CNTN3: variants seen among roughly 807,000 people sequenced by gnomAD.
CNTN3 encodes contactin 3, also known as contactin-3.
CNTN3 carries 60 observed loss-of-function variants against 119.1 expected under a neutral mutation model. The observed-to-expected ratio is 0.50, with a 90% CI of 0.41 to 0.62. The LOEUF is 0.62. Among genes scored for constraint, CNTN3 ranks in the 20% least tolerant of loss-of-function variants. The pLI is 0.00. For missense variants in CNTN3, 1,101 were observed against 1,242.4 expected (o/e 0.89, Z 1.71); for synonymous variants, 450 against 438.7 (o/e 1.03, Z -0.32).
intron 4 of CNTN3, among the ~76,000 whole-genome samples, chr3:74,430,565 AC>A (rs1309786744): frequency 2.6e-5 from 4 of 152,158 alleles, no homozygotes; most frequent in African/African-American, 9.6e-5. Flanking sequence ...CAATAGTGAG[AC>A]CCCATCTCTT....
At position 74,271,080 on chromosome 3, in the gene CNTN3, A is replaced by C. The variant is rs112605910; in HGVS notation, c.2705-3702T>G. On this transcript the variant is annotated intron_variant, in intron 20 of 22. Coordinates refer to ENST00000263665, the MANE Select transcript of CNTN3 (RefSeq NM_020872.3). ...GCACTTGATTTTCAGACTCCTCAAC[A>C]TCAGCTTCATAGATTTTACTTACTC... 6.3e-4 allele frequency among the ~76,000 whole-genome samples: 96 copies of C among 152,332 alleles called. 2 individuals carry two copies. The highest frequency in any genetic ancestry group is 2.2e-3 in the African/African-American group (92 of 41,584).
chr3:74,534,908 G>A lies in CNTN3; in HGVS notation c.-80-13716C>T, dbSNP rs528725682. The stretch of plus-strand genomic sequence containing the variant: ...TCTTTAGACTTTAAATTTTACAACA[G>A]TAAAATGGGAATGGTATGCACATAA... On this transcript the variant is annotated intron_variant, in intron 1 of 22. Transcript: ENST00000263665. Among the ~76,000 whole-genome samples the A allele has an allele frequency of 4.6e-5, 7 of 152,058 alleles. No homozygotes were observed. In the South Asian group the frequency reaches 1.2e-3, roughly 27 times the overall value.
chr3:74,422,215 A>G (rs905275333), intron 5 of CNTN3, among the ~76,000 whole-genome samples: 1 of 152,206 alleles, frequency 6.6e-6, no homozygotes, highest in Non-Finnish European at 1.5e-5. Flanking sequence ...TCCGCATTAC[A>G]GACACTTGGA....
At chr3:74,568,751 T>C (rs1016092718) in intron 1 of CNTN3, among the ~76,000 whole-genome samples, 1 of 152,314 alleles carries the variant, frequency 6.6e-6, no homozygotes, top group Admixed American at 6.5e-5. Flanking sequence ...TGATAAAGGC[T>C]TCCACAGCCT....
intron 4 of CNTN3, among the ~76,000 whole-genome samples, chr3:74,446,573 A>G (rs546121306): frequency 1.4e-4 from 21 of 152,074 alleles, no homozygotes; most frequent in Non-Finnish European, 2.5e-4. Context: ...CACAAAATGG[A>G]TTTCAAAGAC....
intron 13 of CNTN3, among the ~76,000 whole-genome samples, chr3:74,310,515 C>T (rs924946553): frequency 6.6e-6 from 1 of 152,138 alleles, no homozygotes. Context: ...GGGAGTTCAG[C>T]AGGACCAGTG....
At chr3:74,485,338 A>AGTTGT in intron 4 of CNTN3, among the ~76,000 whole-genome samples, 1 of 152,130 alleles carries the variant, frequency 6.6e-6, no homozygotes, top group Non-Finnish European at 1.5e-5. Context: ...AAGGGTAACT[A>AGTTGT]GTTGTATAAT....
At chr3:74,317,222 T>G (rs1416483348) in intron 13 of CNTN3, among the ~76,000 whole-genome samples, 2 of 150,092 alleles carry the variant, frequency 1.3e-5, no homozygotes, top group African/African-American at 2.5e-5. Flanking sequence ...ATTTTGAGCC[T>G]ATGTGTGTCT....
chr3:74,369,554 A>G (rs553091594), intron 7 of CNTN3, among the ~76,000 whole-genome samples, 181 bp from the exon 8 acceptor site: 2 of 152,078 alleles, frequency 1.3e-5, no homozygotes, highest in Admixed American at 1.3e-4. Flanking sequence ...TGATATTTTA[A>G]TAAAATAAAC....
chr3:74,296,539 C>T (rs1366604637), intron 18 of CNTN3, among the ~76,000 whole-genome samples: 3 of 152,106 alleles, frequency 2.0e-5, no homozygotes, highest in Admixed American at 6.5e-5. Flanking sequence ...AGAATAGGGG[C>T]GGGGAGCCGA....
chr3:74,610,854 G>C (rs762900678), intron 1 of CNTN3, among the ~76,000 whole-genome samples: 1 of 152,128 alleles, frequency 6.6e-6, no homozygotes, highest in Non-Finnish European at 1.5e-5. Context: ...GGTCTGAGTT[G>C]TACTAGTTCC....
chr3:74,580,497 C>A (rs1359409549), intron 1 of CNTN3, among the ~76,000 whole-genome samples: 7 of 151,912 alleles, frequency 4.6e-5, no homozygotes, highest in Non-Finnish European at 1.0e-4. Context: ...CTAAAAAATA[C>A]AAAATTCCTT....
At chr3:74,565,400 G>T (rs2106640099) in intron 1 of CNTN3, among the ~76,000 whole-genome samples, 1 of 152,160 alleles carries the variant, frequency 6.6e-6, no homozygotes, top group Middle Eastern at 3.4e-3. Flanking sequence ...CTACCACTCT[G>T]ATCCTCCTGC....
intron 1 of CNTN3, among the ~76,000 whole-genome samples, chr3:74,598,565 T>C (rs144130288): frequency 0.019 from 2,844 of 152,164 alleles, 82 homozygotes; most frequent in African/African-American, 0.066. Flanking sequence ...GCCCAAGCCA[T>C]AGATAATCAA....
At chr3:74,353,955 C>T (rs1368853188) in intron 11 of CNTN3, among the ~76,000 whole-genome samples, 1 of 152,010 alleles carries the variant, frequency 6.6e-6, no homozygotes, top group Non-Finnish European at 1.5e-5. Flanking sequence ...CCTCTACACC[C>T]ACTCCCAGCC....
intron 1 of CNTN3, among the ~76,000 whole-genome samples, chr3:74,593,653 A>G (rs1704741580): frequency 6.6e-6 from 1 of 151,964 alleles, no homozygotes; most frequent in Non-Finnish European, 1.5e-5. Flanking sequence ...GATTATACAG[A>G]TGAGGAAACT....
chr3:74,614,444 G>A lies in CNTN3; in HGVS notation c.-134C>T, dbSNP rs1202236584. ...CCCCGACGGCCCACTCGCCGCCGCC[G>A]CCGCCGCCGCCGCCGCCGCCACCGC... On this transcript the variant is annotated 5_prime_UTR_variant, in exon 1 of 23. Transcript: ENST00000263665. Among the ~76,000 whole-genome samples, 1 of 137,464 alleles carries A rather than the reference G, an allele frequency of 7.3e-6. No homozygotes were observed. The highest frequency in any genetic ancestry group is 3.0e-5 in the African/African-American group (1 of 33,670). 90.2% of individuals were successfully genotyped at this position (137,464 alleles called of 152,430 possible).
intron 1 of CNTN3, among the ~76,000 whole-genome samples, chr3:74,570,373 C>G (rs564177621): frequency 6.6e-6 from 1 of 152,144 alleles, no homozygotes; most frequent in Non-Finnish European, 1.5e-5. Flanking sequence ...TAACCTCTTA[C>G]TACAGAGAGT....
chr3:74,527,535 G>A (rs886273214), intron 1 of CNTN3, among the ~76,000 whole-genome samples: 1 of 151,842 alleles, frequency 6.6e-6, no homozygotes, highest in African/African-American at 2.4e-5. Context: ...CTGATGCTAT[G>A]CCAGAAAAAA....
Sources: allele counts gnomAD v4.1 joint callset (sites outside exome capture counted in the v4.1 genomes callset), GRCh38; gene constraint gnomAD v4.1.1; transcripts MANE v1.5; gene names NCBI Gene and HGNC (gene_info 2026-07-23, HGNC 2026-07-21).